The following OPCML variants were observed in gnomAD, a reference collection of about 807,000 sequenced individuals.
OPCML encodes the protein opioid-binding protein/cell adhesion molecule.
A neutral mutation model predicts 37.8 loss-of-function variants in OPCML; 13 were observed. The ratio of observed to expected loss-of-function variants is 0.34; its 90% CI spans 0.22 to 0.55. The LOEUF (loss-of-function observed/expected upper bound fraction) is 0.55. Among genes scored for constraint, OPCML ranks in the 20% least tolerant of loss-of-function variants. OPCML has a pLI of 0.91. For missense variants in OPCML, 341 were observed against 435.6 expected (o/e 0.78, Z 1.93); for synonymous variants, 176 against 168.8 (o/e 1.04, Z -0.33).
At chr11:133,417,590 G>A (rs961534168) in intron 1 of OPCML, among the ~76,000 whole-genome samples, 1 of 151,674 alleles carries the variant, frequency 6.6e-6, no homozygotes, top group African/African-American at 2.4e-5. Context: ...CCCATTAACT[G>A]GTCATTTAGC....
intron 4 of OPCML, among the ~76,000 whole-genome samples, chr11:132,511,895 C>T (rs1281880926): frequency 6.6e-6 from 1 of 152,156 alleles, no homozygotes; most frequent in Non-Finnish European, 1.5e-5. Flanking sequence ...AATTCCTTTA[C>T]AAGATTCCTT....
Position 133,110,387 on chromosome 11 carries a change from G to T in OPCML, c.62-167377C>A, listed in dbSNP as rs972514393. On this transcript the variant is annotated intron_variant, in intron 1 of 7. Transcript: ENST00000524381. ...AATATGTGTCCTCCAGTTTTGTTCAGCCTGGTGTTCCCACAGCATGAACTT... is the reference window on the plus strand; with the variant it reads ...AATATGTGTCCTCCAGTTTTGTTCATCCTGGTGTTCCCACAGCATGAACTT... Among the ~76,000 whole-genome samples, 5 of 152,096 alleles carry T rather than the reference G, an allele frequency of 3.3e-5. No individual in the cohort carries two copies. In the South Asian group the frequency reaches 1.0e-3, roughly 32 times the overall value.
At chr11:133,085,199 G>T (rs1168330576) in intron 1 of OPCML, among the ~76,000 whole-genome samples, 1 of 152,172 alleles carries the variant, frequency 6.6e-6, no homozygotes, top group East Asian at 1.9e-4. Context: ...TTCATGAGTA[G>T]CTGCCTACTA....
At chr11:133,184,404 G>A (rs143009652) in intron 1 of OPCML, among the ~76,000 whole-genome samples, 8 of 152,272 alleles carry the variant, frequency 5.3e-5, no homozygotes, top group African/African-American at 1.7e-4. Flanking sequence ...TTGAAGGATG[G>A]GAAGGTTATG....
intron 2 of OPCML, among the ~76,000 whole-genome samples, chr11:132,783,323 T>A (rs1947097643): frequency 6.6e-6 from 1 of 152,108 alleles, no homozygotes; most frequent in Non-Finnish European, 1.5e-5. Flanking sequence ...TGCCCTTTAC[T>A]CTTCCAATAC....
intron 1 of OPCML, among the ~76,000 whole-genome samples, chr11:133,132,930 C>A (rs370287389): frequency 1.1e-4 from 17 of 151,322 alleles, no homozygotes; most frequent in Non-Finnish European, 1.6e-4. Flanking sequence ...GATGGGTGGT[C>A]GGTAGACTGG....
intron 2 of OPCML, among the ~76,000 whole-genome samples, chr11:132,924,847 T>C (rs1944934763): frequency 6.6e-6 from 1 of 151,726 alleles, no homozygotes; most frequent in Non-Finnish European, 1.5e-5. Context: ...ACTATTTCTA[T>C]ACATATCTCC....
chr11:132,514,494 C>G lies in OPCML; in HGVS notation c.505+14567G>C, dbSNP rs186559526. Reference sequence around the variant, plus strand: ...TGTACAGTCAAGCCCTATGCTTCAGCAGAGTCTGCTTTTCTTTGTGGATTC... The same window carrying G: ...TGTACAGTCAAGCCCTATGCTTCAGGAGAGTCTGCTTTTCTTTGTGGATTC... On this transcript the variant is annotated intron_variant, in intron 4 of 7. Transcript: ENST00000524381. Among the ~76,000 whole-genome samples, 653 of 152,224 alleles carry G rather than the reference C, an allele frequency of 4.3e-3. 3 individuals carry two copies. The highest frequency in any genetic ancestry group is 0.015 in the African/African-American group (618 of 41,536).
At position 133,203,604 on chromosome 11, in the gene OPCML, G is replaced by T. The variant is rs1002398016; in HGVS notation, c.62-260594C>A. ...AACTAGAAGATAAATTACTAAGAAGGGTAAGTCATTCGCAATATCTGGTCA... is the reference window on the plus strand; with the variant it reads ...AACTAGAAGATAAATTACTAAGAAGTGTAAGTCATTCGCAATATCTGGTCA... On this transcript the variant is annotated intron_variant, in intron 1 of 7. Transcript: ENST00000524381. 8.5e-5 allele frequency among the ~76,000 whole-genome samples: 13 copies of T among 152,198 alleles called. No homozygotes were observed. The Middle Eastern group carries it at 0.017, about 199-fold the overall frequency.
At chr11:133,195,540 A>G (rs142175059) in intron 1 of OPCML, among the ~76,000 whole-genome samples, 11 of 152,324 alleles carry the variant, frequency 7.2e-5, no homozygotes, top group Admixed American at 3.3e-4. Flanking sequence ...AGTGCCATGG[A>G]CAAAATTAAT....
intron 2 of OPCML, among the ~76,000 whole-genome samples, chr11:132,790,535 G>A (rs1340179069): frequency 6.6e-6 from 1 of 152,174 alleles, no homozygotes; most frequent in Admixed American, 6.5e-5. Flanking sequence ...GGAATGATAG[G>A]CTGGTTCTCT....
chr11:132,773,655 C>G (rs1946718407), intron 2 of OPCML, among the ~76,000 whole-genome samples: 2 of 152,164 alleles, frequency 1.3e-5, no homozygotes. Context: ...GAAGTTTCTT[C>G]ACTTTGAAAA....
At chr11:133,071,791 TACAA>T (rs1948541753) in intron 1 of OPCML, among the ~76,000 whole-genome samples, 1 of 152,204 alleles carries the variant, frequency 6.6e-6, no homozygotes, top group South Asian at 2.1e-4. Flanking sequence ...AAACTGCAGC[TACAA>T]ACATTCATTC....
chr11:133,152,521 A>T (rs2137194333), intron 1 of OPCML, among the ~76,000 whole-genome samples: 1 of 151,412 alleles, frequency 6.6e-6, no homozygotes, highest in Admixed American at 6.6e-5. Flanking sequence ...CACCCTCCCT[A>T]ATCCTCTCCA....
chr11:133,051,535 G>GT (rs917645795), intron 1 of OPCML, among the ~76,000 whole-genome samples: 21 of 152,108 alleles, frequency 1.4e-4, no homozygotes, highest in South Asian at 1.2e-3. Context: ...TTGTTTGTTT[G>GT]TTTTTTAGCC....
chr11:133,493,288 C>T (rs1947706400), intron 1 of OPCML, among the ~76,000 whole-genome samples: 1 of 152,232 alleles, frequency 6.6e-6, no homozygotes, highest in Admixed American at 6.5e-5. Context: ...ACCCAGCACC[C>T]TTTGGGGAGA....
intron 1 of OPCML, among the ~76,000 whole-genome samples, chr11:133,306,393 A>C (rs1470221183): frequency 6.6e-6 from 1 of 152,218 alleles, no homozygotes; most frequent in East Asian, 1.9e-4. Flanking sequence ...TACTATTTTA[A>C]GAATACTATG....
intron 1 of OPCML, among the ~76,000 whole-genome samples, chr11:133,495,711 A>G (rs1947771131): frequency 6.6e-6 from 1 of 152,070 alleles, no homozygotes; most frequent in Middle Eastern, 3.4e-3. Context: ...TCTTTTGAGA[A>G]TTGTCTATTC....
At chr11:132,703,672 A>G (rs1943919300) in intron 2 of OPCML, among the ~76,000 whole-genome samples, 1 of 152,286 alleles carries the variant, frequency 6.6e-6, no homozygotes, top group South Asian at 2.1e-4. Flanking sequence ...AGACTGATCT[A>G]AAGAGACTGA....
Sources: gnomAD v4.1 joint callset for allele counts (sites outside exome capture counted in the v4.1 genomes callset) on GRCh38, gnomAD v4.1.1 for gene constraint, MANE v1.5 for transcripts, NCBI Gene and HGNC (gene_info 2026-07-23, HGNC 2026-07-21) for gene names.